Variants in EEIG2 observed in about 807,000 individuals in gnomAD.
EEIG2 encodes EEIG family member 2, also known as family with sequence similarity 102 member B.
the EEIG2 span, among the ~76,000 whole-genome samples, chr1:108,591,726 G>C: frequency 1.3e-5 from 2 of 152,236 alleles, no homozygotes; most frequent in African/African-American, 4.8e-5. Flanking sequence ...AGGGAACCAA[G>C]GCAGGCCTGG....
chr1:108,560,514 T>G, the EEIG2 span: 1 of 1,613,028 alleles, frequency 6.2e-7, no homozygotes, highest in Non-Finnish European at 8.5e-7. Context: ...GGGGTCCTCT[T>G]CTGCAAGATG....
chr1:108,581,407 C>T, the EEIG2 span, among the ~76,000 whole-genome samples: 1 of 152,162 alleles, frequency 6.6e-6, no homozygotes, highest in Non-Finnish European at 1.5e-5. Context: ...TTTTGTAAGG[C>T]TGTTGCTGCC....
chr1:108,599,331 G>A, the EEIG2 span, among the ~76,000 whole-genome samples: 35 of 152,164 alleles, frequency 2.3e-4, no homozygotes, highest in Admixed American at 1.6e-3. Flanking sequence ...CTATCACTCC[G>A]TAGATATGAC....
the EEIG2 span, among the ~76,000 whole-genome samples, chr1:108,579,790 A>AGAGAGAGAGAGAGAGAGAGAGG: frequency 1.3e-5 from 2 of 149,894 alleles, no homozygotes; most frequent in Non-Finnish European, 1.5e-5. Context: ...AGAGAGAGAG[A>AGAGAGAGAGAGAGAGAGAGAGG]GAGAGAAAGA....
At chr1:108,586,457 A>C in the EEIG2 span, among the ~76,000 whole-genome samples, 1 of 152,162 alleles carries the variant, frequency 6.6e-6, no homozygotes, top group Non-Finnish European at 1.5e-5. Flanking sequence ...GAGGAAATTT[A>C]TACAGAGGAG....
chr1:108,628,667 C>G, the EEIG2 span: 5 of 1,600,972 alleles, frequency 3.1e-6, no homozygotes, highest in Non-Finnish European at 4.3e-6. Context: ...AAATGTAATT[C>G]TTTTCAAAGA....
chr1:108,565,835 A>G, the EEIG2 span, among the ~76,000 whole-genome samples: 1 of 152,200 alleles, frequency 6.6e-6, no homozygotes, highest in African/African-American at 2.4e-5. Flanking sequence ...ATTTCTTTTT[A>G]GTAAACATTT....
the EEIG2 span, chr1:108,635,990 T>C: frequency 1.3e-5 from 2 of 152,144 alleles, no homozygotes; most frequent in African/African-American, 4.8e-5. Context: ...AGAGGAGAAT[T>C]GTAATATGGT....
At chr1:108,620,255 T>C in the EEIG2 span, among the ~76,000 whole-genome samples, 1 of 152,250 alleles carries the variant, frequency 6.6e-6, no homozygotes, top group Non-Finnish European at 1.5e-5. Flanking sequence ...AGCAGATCCT[T>C]AGTCTCAAGT....
At chr1:108,632,399 T>G in the EEIG2 span, among the ~76,000 whole-genome samples, 4 of 152,170 alleles carry the variant, frequency 2.6e-5, no homozygotes, top group African/African-American at 9.7e-5. Context: ...TCTTCTCATG[T>G]GCACAGTGGG....
At chr1:108,629,749 G>A in the EEIG2 span, 1 of 916,340 alleles carries the variant, frequency 1.1e-6, no homozygotes, top group Non-Finnish European at 1.8e-6. Flanking sequence ...GTTTGTACTA[G>A]GCTGAAGCAA....
At chr1:108,604,460 A>G in the EEIG2 span, among the ~76,000 whole-genome samples, 765 of 152,316 alleles carry the variant, frequency 5.0e-3, 9 homozygotes, top group African/African-American at 0.018. Context: ...GGATTCTGTT[A>G]CTATGGAGTG....
chr1:108,575,001 G>A, the EEIG2 span, among the ~76,000 whole-genome samples: 5 of 152,096 alleles, frequency 3.3e-5, no homozygotes, highest in Non-Finnish European at 7.3e-5. Flanking sequence ...ATCAACTAAT[G>A]CGATTTAGTA....
the EEIG2 span, chr1:108,637,320 A>G: frequency 5.3e-5 from 8 of 152,106 alleles, no homozygotes; most frequent in South Asian, 2.1e-4. Flanking sequence ...GTAGTCAGCA[A>G]AAGTCTGGAT....
chr1:108,597,399 C>G, the EEIG2 span, among the ~76,000 whole-genome samples: 1 of 152,212 alleles, frequency 6.6e-6, no homozygotes, highest in East Asian at 1.9e-4. Context: ...TCTTTGTGCT[C>G]TTTCTGATAC....
At chr1:108,601,558 T>G in the EEIG2 span, among the ~76,000 whole-genome samples, 391 of 151,776 alleles carry the variant, frequency 2.6e-3, 2 homozygotes, top group Middle Eastern at 0.017. Flanking sequence ...TATAAACATT[T>G]TATGCATTAC....
the EEIG2 span, among the ~76,000 whole-genome samples, chr1:108,610,632 A>G: frequency 5.3e-5 from 8 of 152,008 alleles, no homozygotes; most frequent in African/African-American, 1.7e-4. Context: ...TTGCCCCTCT[A>G]AGAGAGGCAA....
chr1:108,635,192 T>G, the EEIG2 span: 2 of 1,609,940 alleles, frequency 1.2e-6, no homozygotes, highest in African/African-American at 1.3e-5. Flanking sequence ...ATTTAAGATG[T>G]GAGTAGTTGA....
chr1:108,635,197 A>T, the EEIG2 span: 5 of 1,606,644 alleles, frequency 3.1e-6, no homozygotes, highest in African/African-American at 6.7e-5. Flanking sequence ...AGATGTGAGT[A>T]GTTGATGTAT....
Sources: allele counts gnomAD v4.1 joint callset (sites outside exome capture counted in the v4.1 genomes callset), GRCh38; gene constraint gnomAD v4.1.1; transcripts MANE v1.5; gene names NCBI Gene and HGNC (gene_info 2026-07-23, HGNC 2026-07-21).